Variants in FHOD3 observed in about 807,000 individuals in gnomAD.
The protein encoded by FHOD3 is formin homology 2 domain containing 3.
Under a neutral mutation model 173.0 loss-of-function variants are expected in FHOD3, and 90 were observed. That is an observed-to-expected ratio of 0.52 (90% CI 0.44 to 0.62). The LOEUF (loss-of-function observed/expected upper bound fraction) is 0.62. FHOD3 is among the 20% of genes least tolerant of loss of function. The probability of loss-of-function intolerance (pLI) is 0.00; values close to 1 mark genes in which losing one functional copy is unlikely to be tolerated. For missense variants in FHOD3, 1,945 were observed against 2,034.7 expected (o/e 0.96, Z 0.85); for synonymous variants, 828 against 823.0 (o/e 1.01, Z -0.10).
intron 9 of FHOD3, among the ~76,000 whole-genome samples, chr18:36,615,968 G>A (rs2033158757): frequency 6.6e-6 from 1 of 152,224 alleles, no homozygotes; most frequent in African/African-American, 2.4e-5. Context: ...CAGCTGGCCA[G>A]CTCTTTGTGC....
chr18:36,377,502 A>G (rs544453885), intron 3 of FHOD3, among the ~76,000 whole-genome samples: 29 of 152,330 alleles, frequency 1.9e-4, no homozygotes, highest in Admixed American at 9.1e-4. Flanking sequence ...CATAAAAACT[A>G]GAGGTTTCCT....
intron 3 of FHOD3, among the ~76,000 whole-genome samples, chr18:36,491,576 C>T (rs1388047541): frequency 2.0e-5 from 3 of 152,154 alleles, no homozygotes; most frequent in South Asian, 2.1e-4. Flanking sequence ...TCATCCTTCC[C>T]TCCCTCCTCC....
chr18:36,409,772 G>T (rs577100225), intron 3 of FHOD3, among the ~76,000 whole-genome samples: 4 of 152,342 alleles, frequency 2.6e-5, no homozygotes, highest in African/African-American at 9.6e-5. Flanking sequence ...GGCCTGGGTG[G>T]TTGCTCTGGC....
At chr18:36,515,209 C>T (rs1002649718) in intron 5 of FHOD3, among the ~76,000 whole-genome samples, 1 of 151,992 alleles carries the variant, frequency 6.6e-6, no homozygotes, top group African/African-American at 2.4e-5. Context: ...AGCTTACAGC[C>T]GTTTATTTTA....
chr18:36,559,874 C>A lies in FHOD3; in HGVS notation c.512-16577C>A, dbSNP rs190848579. 5.8e-3 allele frequency among the ~76,000 whole-genome samples: 883 copies of A among 152,182 alleles called. 13 individuals are homozygous for A. Among genetic ancestry groups the A allele is most frequent in the African/African-American group, 0.02 (834 of 41,520 alleles). The stretch of plus-strand genomic sequence containing the variant: ...TGAAACATAAGCTTTGTTAGCCCCC[C>A]GGTCCCACAGCATGAATTATGTTAA... On this transcript the variant is annotated intron_variant, in intron 5 of 28. Transcript: ENST00000590592.
chr18:36,533,943 G>A (rs2056887870), intron 5 of FHOD3, among the ~76,000 whole-genome samples: 1 of 152,136 alleles, frequency 6.6e-6, no homozygotes, highest in Non-Finnish European at 1.5e-5. Flanking sequence ...AAGGCCATCT[G>A]GACTAACTTC....
chr18:36,506,809 A>G (rs1255521563), intron 4 of FHOD3, among the ~76,000 whole-genome samples: 3 of 152,208 alleles, frequency 2.0e-5, no homozygotes. Flanking sequence ...AAAAGCAAAG[A>G]TTTCTAAGAC....
At chr18:36,423,682 G>A (rs2050103787) in intron 3 of FHOD3, among the ~76,000 whole-genome samples, 1 of 152,204 alleles carries the variant, frequency 6.6e-6, no homozygotes, top group African/African-American at 2.4e-5. Context: ...TCTGAAGGTG[G>A]AAGAAGAATG....
chr18:36,359,483 C>T (rs114378200), intron 2 of FHOD3, among the ~76,000 whole-genome samples: 1 of 152,164 alleles, frequency 6.6e-6, no homozygotes, highest in Non-Finnish European at 1.5e-5. Flanking sequence ...GACAGAGAAG[C>T]CTGCAGCCTA....
intron 7 of FHOD3, 75 bp downstream of exon 7, chr18:36,594,973 T>G: frequency 2.2e-6 from 2 of 893,174 alleles, no homozygotes; most frequent in Non-Finnish European, 3.5e-6. Context: ...TTGTACATGC[T>G]TGAGACAGAT....
At position 36,652,583 on chromosome 18, in the gene FHOD3, G is replaced by A. The variant is rs920497419; in HGVS notation, c.1300G>A (p.Ala434Thr). ...CTGGCCCAACAGCAAGGTCGGCGCTGCCTCAGGGCAGAGCCCCACTGGAAG... is the reference window on the plus strand; with the variant it reads ...CTGGCCCAACAGCAAGGTCGGCGCTACCTCAGGGCAGAGCCCCACTGGAAG... ...CQGKDSKVGA[A>T]SGQSPTGRDA... is the part of the protein sequence containing the mutation. Residue 434 changes from alanine (A) to threonine (T), a missense_variant, in exon 12 of 29, where the codon GCC becomes ACC. Around this residue, in one of 5 missense-constraint regions of FHOD3, gnomAD observed 1,099 missense variants for 1,051.2 expected, o/e 1.05. Coordinates refer to ENST00000590592, the MANE Select transcript of FHOD3 (RefSeq NM_001281740.3). 1.3e-6 allele frequency: 2 copies of A among 1,528,956 alleles called. No individual in the cohort carries two copies. Among genetic ancestry groups the A allele is most frequent in the East Asian group, 2.5e-5 (1 of 40,758 alleles). The allele number at this position is 1,528,956 out of a possible 1,614,324, so 94.7% of individuals were successfully genotyped here. A position where few individuals can be genotyped will look rare whatever the true frequency, so the allele number is the denominator to read the frequency against.
chr18:36,642,491 T>A (rs951579859), intron 10 of FHOD3, among the ~76,000 whole-genome samples: 3 of 141,990 alleles, frequency 2.1e-5, no homozygotes, highest in Admixed American at 7.7e-5. Flanking sequence ...TGGTGGCGGG[T>A]GCCTGTAGTT....
intron 1 of FHOD3, among the ~76,000 whole-genome samples, chr18:36,351,920 G>A (rs2046144561): frequency 6.6e-6 from 1 of 152,218 alleles, no homozygotes; most frequent in African/African-American, 2.4e-5. Context: ...GAAGAGCACA[G>A]GGCTTAGGCA....
At chr18:36,491,219 G>A (rs1256860238) in intron 3 of FHOD3, among the ~76,000 whole-genome samples, 2 of 152,174 alleles carry the variant, frequency 1.3e-5, no homozygotes, top group African/African-American at 4.8e-5. Context: ...CCCACTTCCT[G>A]TAGGCTTGCC....
intron 14 of FHOD3, among the ~76,000 whole-genome samples, chr18:36,671,436 T>C (rs890189451): frequency 6.6e-6 from 1 of 152,258 alleles, no homozygotes; most frequent in Admixed American, 6.5e-5. Context: ...TTCTGGTTTT[T>C]AGTTGTTTCA....
intron 18 of FHOD3, among the ~76,000 whole-genome samples, chr18:36,712,951 A>G (rs1362459909): frequency 6.6e-6 from 1 of 152,218 alleles, no homozygotes; most frequent in African/African-American, 2.4e-5. Context: ...GGAGGCTAGC[A>G]GGAAGGGGCG....
At chr18:36,484,588 ACT>A (rs1394555394) in intron 3 of FHOD3, among the ~76,000 whole-genome samples, 2 of 152,020 alleles carry the variant, frequency 1.3e-5, no homozygotes, top group African/African-American at 4.8e-5. Flanking sequence ...AAAAAACAAA[ACT>A]CTGCTTCCTT....
chr18:36,772,761 A>T (rs1046680139), intron 28 of FHOD3, among the ~76,000 whole-genome samples: 12 of 152,226 alleles, frequency 7.9e-5, no homozygotes, highest in Non-Finnish European at 1.3e-4. Context: ...TCAGGGGCAC[A>T]TTGAGTAAAA....
At chr18:36,315,620 G>A (rs1004162913) in intron 1 of FHOD3, among the ~76,000 whole-genome samples, 2 of 152,100 alleles carry the variant, frequency 1.3e-5, no homozygotes, top group South Asian at 4.1e-4. Flanking sequence ...ACAGTGCTTT[G>A]GTGAAAGGCC....
Sources: allele counts gnomAD v4.1 joint callset (sites outside exome capture counted in the v4.1 genomes callset), GRCh38; gene constraint gnomAD v4.1.1; regional missense constraint gnomAD v4.1.1; transcripts MANE v1.5; gene names NCBI Gene and HGNC (gene_info 2026-07-23, HGNC 2026-07-21).